Variants in LSM5 observed in about 807,000 individuals in gnomAD.
LSM5 encodes U6 snRNA-associated Sm-like protein LSm5.
LSM5 carries 8 observed loss-of-function variants against 13.8 expected under a neutral mutation model. The observed-to-expected ratio is 0.58, with a 90% CI of 0.34 to 1.04. The LOEUF is 1.04. Ranked by LOEUF, LSM5 falls within the 50% of genes least tolerant of loss-of-function variation. LSM5 has a pLI of 0.03. For synonymous variants in LSM5, 35 were observed against 37.0 expected, an observed-to-expected ratio of 0.95 and a Z score of 0.20; for missense variants, 80 against 108.1, an observed-to-expected ratio of 0.74 and a Z score of 1.15.
intron 3 of LSM5, 113 bp from the exon 4 acceptor site, chr7:32,487,870 T>G (rs1432531834): frequency 4.7e-6 from 3 of 631,944 alleles, no homozygotes; most frequent in Non-Finnish European, 8.6e-6. Flanking sequence ...TACACTGAGG[T>G]TGAGCAATTA....
upstream of LSM5, among the ~76,000 whole-genome samples, chr7:32,494,099 T>C (rs866727659): frequency 6.6e-6 from 1 of 152,182 alleles, no homozygotes; most frequent in African/African-American, 2.4e-5. Flanking sequence ...CCTCCCAAAG[T>C]GCTGGGATTA....
chr7:32,490,165 G>T (rs1273701555), intron 1 of LSM5, 155 bp downstream of exon 1: 1 of 1,549,422 alleles, frequency 6.5e-7, no homozygotes, highest in South Asian at 1.2e-5. Context: ...GAGCAGGTGC[G>T]GCCTGCTGTC....
rs1050014026 is a variant in LSM5 at position 32,487,094 on chromosome 7, G to T, written c.*167C>A. On this transcript the variant is annotated 3_prime_UTR_variant, in exon 5 of 5. Transcript: ENST00000450169. ...AAGAAGCTCTTTTCTTCTTTTTCCA[G>T]GATAATCATGATTAACTTACAAAAA... The T allele has an allele frequency of 2.0e-5, 13 of 650,598 alleles. No individual in the cohort carries two copies. The African/African-American group carries it at 2.4e-4, about 12-fold the overall frequency. 40.3% of individuals were successfully genotyped at this position (650,598 alleles called of 1,614,324 possible).
chr7:32,490,471 C>A, upstream of LSM5: 1 of 913,320 alleles, frequency 1.1e-6, no homozygotes, highest in Non-Finnish European at 1.8e-6. Flanking sequence ...TGAGGCCGAG[C>A]GCACGATCTA....
Position 32,487,708 on chromosome 7 carries a change from G to T in LSM5, c.220C>A (p.Leu74Ile). The T allele has an allele frequency of 6.6e-7, 1 of 1,524,054 alleles. No homozygotes were observed. Among genetic ancestry groups the T allele is most frequent in the East Asian group, 2.3e-5 (1 of 44,420 alleles). The allele number at this position is 1,524,054 out of a possible 1,614,324, so 94.4% of individuals were successfully genotyped here. A position where few individuals can be genotyped will look rare whatever the true frequency, so the allele number is the denominator to read the frequency against. The change falls in exon 4 of 5, where the codon CTA becomes ATA. Residue 74 changes from leucine (L) to isoleucine (I), a missense_variant. Physicochemically the swap from Leu to Ile is conservative, Grantham distance 5. Coordinates refer to ENST00000450169, the MANE Select transcript of LSM5 (RefSeq NM_012322.3). ...RRITKLDQILLNGNNITMLVP... is the reference protein window; with the variant it reads ...RRITKLDQILINGNNITMLVP... ...ACCATTGTTATATTATTTCCATTTA[G>T]CAAAATCTGATCTAATTTAGTAATC...
At chr7:32,489,524 CAA>C (rs886842604) in intron 1 of LSM5, 180 bp from the exon 2 acceptor site, 10 of 542,148 alleles carry the variant, frequency 1.8e-5, no homozygotes, top group African/African-American at 1.2e-4. Context: ...ATGAGCCTTC[CAA>C]AAGAGTCTGT....
intron 1 of LSM5, 71 bp downstream of exon 1, chr7:32,490,249 C>T (rs1445496855): frequency 1.9e-6 from 3 of 1,613,580 alleles, no homozygotes; most frequent in East Asian, 2.2e-5. Context: ...GGGCCTGCCT[C>T]GGAACAGCCC....
intron 3 of LSM5, chr7:32,488,048 G>GTTT (rs10653528): frequency 1.6e-3 from 425 of 263,048 alleles, no homozygotes; most frequent in South Asian, 2.6e-3. Flanking sequence ...TGTTTTTTGG[G>GTTT]TTTTTTTTTT....
At chr7:32,489,393 T>C (rs182917341) in intron 1 of LSM5, 49 bp from the exon 2 acceptor site, 950 of 1,032,352 alleles carry the variant, frequency 9.2e-4, no homozygotes, top group Non-Finnish European at 7.7e-4. Flanking sequence ...TCAACAAATA[T>C]TTGAGTGCCT....
At chr7:32,487,980 G>C in intron 3 of LSM5, 1 of 448,982 alleles carries the variant, frequency 2.2e-6, no homozygotes, top group Non-Finnish European at 4.0e-6. Context: ...ACGTCTATCA[G>C]ACAGAGCTTC....
upstream of LSM5, chr7:32,490,594 T>C: frequency 1.7e-6 from 1 of 571,870 alleles, no homozygotes; most frequent in Non-Finnish European, 3.2e-6. Flanking sequence ...ATAATGCCCT[T>C]GAAGTTTTGG....
chr7:32,489,516 G>A, intron 1 of LSM5, 172 bp from the exon 2 acceptor site: 1 of 560,196 alleles, frequency 1.8e-6, no homozygotes, highest in Non-Finnish European at 3.1e-6. Context: ...GGCACATAAT[G>A]AGCCTTCCAA....
upstream of LSM5, chr7:32,490,412 G>GA: frequency 2.0e-6 from 3 of 1,521,492 alleles, no homozygotes; most frequent in Non-Finnish European, 2.7e-6. Flanking sequence ...GGACGACTTT[G>GA]AAAAGCGCGC....
chr7:32,488,558 T>C, intron 3 of LSM5, 67 bp downstream of exon 3: 3 of 1,018,240 alleles, frequency 2.9e-6, no homozygotes, highest in Middle Eastern at 2.1e-4. Context: ...TAAATAATTT[T>C]ACTCAAAAGT....
chr7:32,492,078 CTT>C (rs1302778608), upstream of LSM5, among the ~76,000 whole-genome samples: 6 of 152,144 alleles, frequency 3.9e-5, no homozygotes, highest in African/African-American at 9.7e-5. Context: ...CTTTCTTTCT[CTT>C]TCTCTTTTTT....
At chr7:32,491,248 T>A (rs1786577829), upstream of LSM5, among the ~76,000 whole-genome samples, 1 of 152,096 alleles carries the variant, frequency 6.6e-6, no homozygotes, top group South Asian at 2.1e-4. Flanking sequence ...AATACAAAAA[T>A]TAGCTGGGCG....
At chr7:32,490,488 T>C (rs933369927), upstream of LSM5, 40 of 763,188 alleles carry the variant, frequency 5.2e-5, no homozygotes, top group Non-Finnish European at 9.0e-5. Flanking sequence ...TCTAGTCAGC[T>C]GCGTGGGTCG....
chr7:32,492,474 T>G (rs1385096004), upstream of LSM5, among the ~76,000 whole-genome samples: 3 of 152,112 alleles, frequency 2.0e-5, no homozygotes, highest in East Asian at 5.8e-4. Context: ...AGTGAGCCAA[T>G]CGTGCCACTG....
Position 32,487,058 on chromosome 7 carries a change from C to T in LSM5, c.*203G>A. 1 of 600,560 alleles carries T rather than the reference C, an allele frequency of 1.7e-6. No individual in the cohort carries two copies. Among genetic ancestry groups the T allele is most frequent in the Non-Finnish European group, 2.9e-6 (1 of 342,934 alleles). The allele number at this position is 600,560 out of a possible 1,614,324, so 37.2% of individuals were successfully genotyped here. On this transcript the variant is annotated 3_prime_UTR_variant, in exon 5 of 5. Transcript: ENST00000450169. ...AGTTAACCAAAAACACCTTTATTTT[C>T]ATCTGCAAAGAAGAAGCTCTTTTCT...
Sources: allele counts gnomAD v4.1 joint callset (sites outside exome capture counted in the v4.1 genomes callset), GRCh38; gene constraint gnomAD v4.1.1; transcripts MANE v1.5; gene names NCBI Gene and HGNC (gene_info 2026-07-23, HGNC 2026-07-21).